Variants in NHSL1 observed in about 807,000 individuals in gnomAD.
The protein encoded by NHSL1 is NHS like 1.
Under a neutral mutation model 95.0 loss-of-function variants are expected in NHSL1, and 48 were observed. The observed-to-expected ratio is 0.51, with a 90% CI of 0.40 to 0.64. The LOEUF is 0.64. NHSL1 is among the 30% of genes least tolerant of loss of function. The pLI is 0.00. For missense variants in NHSL1, 1,971 were observed against 2,077.7 expected (o/e 0.95, Z 1.00); for synonymous variants, 783 against 833.9 (o/e 0.94, Z 1.05).
At chr6:138,522,855 G>C (rs1781741637) in intron 1 of NHSL1, among the ~76,000 whole-genome samples, 1 of 152,012 alleles carries the variant, frequency 6.6e-6, no homozygotes, top group Non-Finnish European at 1.5e-5. Flanking sequence ...TAATTTGTTT[G>C]AGTCTATGGT....
intron 1 of NHSL1, among the ~76,000 whole-genome samples, chr6:138,639,516 G>A (rs764950538): frequency 3.3e-5 from 5 of 151,766 alleles, no homozygotes; most frequent in East Asian, 1.9e-4. Flanking sequence ...GGTGGTGGGC[G>A]CCTGTAGCCC....
In NHSL1 at chr6:138,648,807, G is replaced by A. The variant is rs117588087; in HGVS notation, c.96+43669C>T. On this transcript the variant is annotated intron_variant, in intron 1 of 3. Transcript: ENST00000491526. The stretch of plus-strand genomic sequence containing the variant: ...CTTATACTGTATTCCTGGGGGCTAA[G>A]AGCATAGAAGAGGCAAGAATTTTTT... Among the ~76,000 whole-genome samples, 807 of 152,254 alleles carry A rather than the reference G, an allele frequency of 5.3e-3. 2 individuals are homozygous for A. Among genetic ancestry groups the A allele is most frequent in the Non-Finnish European group, 8.4e-3 (569 of 68,022 alleles).
At chr6:138,616,883 A>G (rs1784586083) in intron 1 of NHSL1, among the ~76,000 whole-genome samples, 1 of 152,228 alleles carries the variant, frequency 6.6e-6, no homozygotes, top group Non-Finnish European at 1.5e-5. Context: ...TCAAGGGTAG[A>G]GGTTACTCTG....
intron 1 of NHSL1, among the ~76,000 whole-genome samples, chr6:138,584,934 G>T (rs984135420): frequency 6.6e-6 from 1 of 152,134 alleles, no homozygotes; most frequent in Admixed American, 6.6e-5. Flanking sequence ...CAGAGCTGCC[G>T]CAAAATGCAC....
intron 1 of NHSL1, among the ~76,000 whole-genome samples, chr6:138,637,607 G>A: frequency 6.6e-6 from 1 of 152,080 alleles, no homozygotes; most frequent in East Asian, 1.9e-4. Context: ...CATGCAAATG[G>A]CTAACAGGCA....
At chr6:138,663,479 G>A (rs749822490) in intron 1 of NHSL1, among the ~76,000 whole-genome samples, 3 of 149,118 alleles carry the variant, frequency 2.0e-5, no homozygotes, top group African/African-American at 2.5e-5. Context: ...AGAATCACTC[G>A]AACCCGGGGG....
At chr6:138,635,553 C>T (rs977708239) in intron 1 of NHSL1, among the ~76,000 whole-genome samples, 1 of 152,010 alleles carries the variant, frequency 6.6e-6, no homozygotes, top group Non-Finnish European at 1.5e-5. Flanking sequence ...TAAACAAAAG[C>T]CCAAGACCCA....
Position 138,450,015 on chromosome 6 carries a change from C to T in NHSL1, c.340-2822G>A, listed in dbSNP as rs1777125843. On this transcript the variant is annotated intron_variant, in intron 3 of 7. Coordinates refer to ENST00000343505, the MANE Select transcript of NHSL1 (RefSeq NM_001144060.2). ...CTAAATTGCACTATATCCATTGATA[C>T]TTGATCTGATTCTGGTTAAAAGGGT... Among the ~76,000 whole-genome samples the T allele has an allele frequency of 2.6e-5, 4 of 152,180 alleles. No individual in the cohort carries two copies. In the South Asian group the frequency reaches 8.3e-4, roughly 32 times the overall value.
intron 1 of NHSL1, among the ~76,000 whole-genome samples, chr6:138,623,618 AATT>A (rs1405236768): frequency 6.6e-6 from 1 of 152,126 alleles, no homozygotes; most frequent in African/African-American, 2.4e-5. Context: ...GCTCTCCTGA[AATT>A]ATTACTCCTA....
At chr6:138,633,102 T>C (rs1405710033) in intron 1 of NHSL1, among the ~76,000 whole-genome samples, 1 of 151,890 alleles carries the variant, frequency 6.6e-6, no homozygotes, top group East Asian at 1.9e-4. Context: ...GCAGAACTGA[T>C]CAAGCAGAAA....
intron 1 of NHSL1, among the ~76,000 whole-genome samples, chr6:138,571,203 C>T (rs1422478349): frequency 1.3e-5 from 2 of 152,104 alleles, no homozygotes; most frequent in Non-Finnish European, 2.9e-5. Flanking sequence ...GTGTTAAGCC[C>T]CTTGCGTGTT....
rs771384230 is a variant in NHSL1, at chr6:138,442,129, T to G, written c.533-15A>C. The G allele has an allele frequency of 2.0e-6, 3 of 1,531,102 alleles. No individual in the cohort carries two copies. The highest frequency in any genetic ancestry group is 2.6e-6 in the Non-Finnish European group (3 of 1,139,026). 94.8% of individuals were successfully genotyped at this position (1,531,102 alleles called of 1,614,324 possible). Reference sequence around the variant, plus strand: ...GAAATTCTCCCCTAATGTAGAGTAGTAGAACAAGCAAAGCAATGTTATTTT... The same window carrying G: ...GAAATTCTCCCCTAATGTAGAGTAGGAGAACAAGCAAAGCAATGTTATTTT... On this transcript the variant is annotated splice_polypyrimidine_tract_variant and intron_variant, in intron 4 of 7. Coordinates refer to ENST00000343505, the MANE Select transcript of NHSL1 (RefSeq NM_001144060.2).
chr6:138,426,768 TGGC>T (rs1775290846), intron 7 of NHSL1, among the ~76,000 whole-genome samples: 1 of 151,814 alleles, frequency 6.6e-6, no homozygotes, highest in South Asian at 2.1e-4. Flanking sequence ...GTCTGAAGGG[TGGC>T]CAGAGTGGAC....
intron 7 of NHSL1, among the ~76,000 whole-genome samples, chr6:138,429,186 C>A (rs539678614): frequency 2.0e-4 from 31 of 152,166 alleles, no homozygotes; most frequent in Non-Finnish European, 3.7e-4. Flanking sequence ...ATAAGTCATT[C>A]TTTTGCTCCC....
intron 2 of NHSL1, among the ~76,000 whole-genome samples, chr6:138,478,875 A>G (rs926219218): frequency 1.4e-4 from 21 of 152,200 alleles, no homozygotes; most frequent in Non-Finnish European, 1.5e-4. Context: ...TCCATAGCAC[A>G]AGGACGAGGG....
chr6:138,422,324 C>T lies in NHSL1; in HGVS notation c.*1757G>A, dbSNP rs1346520400. The stretch of plus-strand genomic sequence containing the variant: ...TGCTCCAAATCTCTGGTCTTGACTT[C>T]CGGTTGTGTGAAGAGCAGTGTTTTG... On this transcript the variant is annotated 3_prime_UTR_variant, in exon 8 of 8. Transcript: ENST00000343505. 1 of 152,170 alleles carries T rather than the reference C, an allele frequency of 6.6e-6. No homozygotes were observed. The highest frequency in any genetic ancestry group is 1.9e-4 in the East Asian group (1 of 5,202). The allele number at this position is 152,170 out of a possible 1,614,324, so 9.4% of individuals were successfully genotyped here.
chr6:138,642,335 C>T (rs184778830), intron 1 of NHSL1, among the ~76,000 whole-genome samples: 17 of 152,074 alleles, frequency 1.1e-4, no homozygotes, highest in South Asian at 4.2e-4. Flanking sequence ...AAAAAAATAC[C>T]AAAACCTGGA....
chr6:138,499,368 T>C lies in NHSL1; in HGVS notation c.-78A>G, dbSNP rs1780550847. 1.3e-6 allele frequency: 2 copies of C among 1,532,954 alleles called. No individual in the cohort carries two copies. The highest frequency in any genetic ancestry group is 1.8e-6 in the Non-Finnish European group (2 of 1,137,382). 95.0% of individuals were successfully genotyped at this position (1,532,954 alleles called of 1,614,324 possible). A position where few individuals can be genotyped will look rare whatever the true frequency, so the allele number is the denominator to read the frequency against. Reference sequence around the variant, plus strand: ...CCCAGTAGGCAGGTGGCAAGCTTCGTCCTTCTGCTACAGATTCTAACTTTT... The same window carrying C: ...CCCAGTAGGCAGGTGGCAAGCTTCGCCCTTCTGCTACAGATTCTAACTTTT... On this transcript the variant is annotated 5_prime_UTR_variant, in exon 1 of 8. Coordinates refer to ENST00000343505, the MANE Select transcript of NHSL1 (RefSeq NM_001144060.2).
rs1002430544 is a variant in NHSL1, at chr6:138,474,538, G to A, written c.212-1105C>T. Among the ~76,000 whole-genome samples the A allele has an allele frequency of 6.6e-5, 10 of 152,194 alleles. No individual in the cohort carries two copies. The East Asian group carries it at 9.7e-4, about 15-fold the overall frequency. On this transcript the variant is annotated intron_variant, in intron 2 of 7. Transcript: ENST00000343505. ...CTCACAGAGGGAGTGGAAGGACAAC[G>A]TTTACAATTCAGAACTGCAAATCAG... is the stretch of plus-strand genomic sequence containing the variant.
Sources: gnomAD v4.1 joint callset for allele counts (sites outside exome capture counted in the v4.1 genomes callset) on GRCh38, gnomAD v4.1.1 for gene constraint, MANE v1.5 for transcripts, NCBI Gene and HGNC (gene_info 2026-07-23, HGNC 2026-07-21) for gene names.